Variants in ANK3 observed in about 807,000 individuals in gnomAD.
ANK3 encodes ankyrin 3, also known as ankyrin-3.
In ANK3, 57 loss-of-function variants were observed where a neutral mutation model predicts 370.9. That is an observed-to-expected ratio of 0.15 (90% confidence interval 0.12 to 0.19). The LOEUF is 0.19. ANK3 is among the 10% of genes least tolerant of loss of function. The pLI is 1.00. For synonymous variants in ANK3, 1,929 were observed against 1,946.3 expected (o/e 0.99, Z 0.23); for missense variants, 4,439 against 5,302.1 (o/e 0.84, Z 5.06).
chr10:60,124,804 GTGGACAAGCTATTTAAC>G (rs1432996660), intron 25 of ANK3, among the ~76,000 whole-genome samples: 1 of 152,186 alleles, frequency 6.6e-6, no homozygotes, highest in African/African-American at 2.4e-5. Context: ...CCTAATAGCT[GTGGACAAGCTATTTAAC>G]TGGACAAGCT....
At position 60,166,868 on chromosome 10, in the gene ANK3, A is replaced by G; in HGVS notation, c.2507T>C (p.Val836Ala). 6.2e-7 allele frequency: 1 copy of G among 1,614,024 alleles called. No homozygotes were observed. Among genetic ancestry groups the G allele is most frequent in the South Asian group, 1.1e-5 (1 of 91,074 alleles). ...TTVTEKHKMN[V>A]PETMNEVLDM... ...AAGAACTTCATTCATCGTTTCTGGA[A>G]CATTCATTTTGTGCTTCTCTGTGAC... The change falls in exon 22 of 44, where the codon GTT (valine) becomes GCT (alanine). Residue 836 changes from valine (V) to alanine (A), a missense_variant. Val to Ala is a moderately conservative substitution (Grantham distance 64). Coordinates refer to ENST00000280772, the MANE Select transcript of ANK3 (RefSeq NM_020987.5).
intron 9 of ANK3, 31 bp downstream of exon 9, chr10:60,213,381 T>C: frequency 6.8e-7 from 1 of 1,464,306 alleles, no homozygotes; most frequent in Non-Finnish European, 9.6e-7. Context: ...ATAAATACAG[T>C]CCAATGTCCA....
intron 23 of ANK3, among the ~76,000 whole-genome samples, chr10:60,153,886 G>T (rs1310065320): frequency 6.6e-6 from 1 of 152,162 alleles, no homozygotes; most frequent in Non-Finnish European, 1.5e-5. Context: ...AAAGGAAAAG[G>T]TAGCATTGTC....
In ANK3 at chr10:60,225,289, C is replaced by T. The variant is rs10994262; in HGVS notation, c.897+9399G>A. Among the ~76,000 whole-genome samples, 1,448 of 152,108 alleles carry T rather than the reference C, an allele frequency of 9.5e-3. 25 individuals carry two copies. Among genetic ancestry groups the T allele is most frequent in the African/African-American group, 0.033 (1,366 of 41,496 alleles). ...CATTTTTTTTGTGTTAGGCAGTTAT[C>T]GAGATAGCCTAAGAGGTGAAATAAA... On this transcript the variant is annotated intron_variant, in intron 8 of 43. Coordinates refer to ENST00000280772, the MANE Select transcript of ANK3 (RefSeq NM_020987.5).
At chr10:60,720,219 A>G (rs887805412) in intron 1 of ANK3, among the ~76,000 whole-genome samples, 1 of 152,224 alleles carries the variant, frequency 6.6e-6, no homozygotes, top group East Asian at 1.9e-4. Flanking sequence ...CTCAATTTTA[A>G]CAGTAGATGC....
intron 2 of ANK3, among the ~76,000 whole-genome samples, chr10:60,431,905 C>A (rs558169985): frequency 1.1e-4 from 17 of 152,316 alleles, no homozygotes; most frequent in African/African-American, 3.8e-4. Flanking sequence ...TGACTCATTC[C>A]TTTCCATCTG....
At chr10:60,337,474 C>T (rs2053270636) in intron 1 of ANK3, among the ~76,000 whole-genome samples, 1 of 152,140 alleles carries the variant, frequency 6.6e-6, no homozygotes, top group Non-Finnish European at 1.5e-5. Context: ...CAGACTCCTA[C>T]TTTCAATCAT....
chr10:60,716,355 T>C (rs1417079327), intron 1 of ANK3, among the ~76,000 whole-genome samples: 1 of 152,128 alleles, frequency 6.6e-6, no homozygotes, highest in Non-Finnish European at 1.5e-5. Flanking sequence ...AAGCAAAATG[T>C]GTATTGCCAA....
Position 60,129,207 on chromosome 10 carries a change from C to T in ANK3, c.2841+5064G>A, listed in dbSNP as rs1435904455. On this transcript the variant is annotated intron_variant, in intron 25 of 43. Coordinates refer to ENST00000280772, the MANE Select transcript of ANK3 (RefSeq NM_020987.5). ...GAGAGTTGCCTTAAATCGGCAGTTACTAACTAAAGGTACACCTTAGAATTG... is the reference window on the plus strand; with the variant it reads ...GAGAGTTGCCTTAAATCGGCAGTTATTAACTAAAGGTACACCTTAGAATTG... 7.2e-5 allele frequency among the ~76,000 whole-genome samples: 11 copies of T among 152,188 alleles called. No individual in the cohort carries two copies. The South Asian group carries it at 2.1e-3, about 29-fold the overall frequency.
chr10:60,372,605 C>T (rs1158294356), intron 1 of ANK3, among the ~76,000 whole-genome samples: 1 of 152,142 alleles, frequency 6.6e-6, no homozygotes, highest in Non-Finnish European at 1.5e-5. Flanking sequence ...AGAGATAGGA[C>T]ATTTCCAGTC....
At chr10:60,400,859 C>CT (rs1026061551) in intron 2 of ANK3, among the ~76,000 whole-genome samples, 1 of 152,082 alleles carries the variant, frequency 6.6e-6, no homozygotes, top group African/African-American at 2.4e-5. Flanking sequence ...AATGCTCTCC[C>CT]TCTCCCCACC....
chr10:60,123,261 A>G (rs1007122375), intron 25 of ANK3, among the ~76,000 whole-genome samples: 5 of 152,224 alleles, frequency 3.3e-5, no homozygotes, highest in African/African-American at 1.2e-4. Flanking sequence ...AAGTGATGTC[A>G]AGGATTATTC....
chr10:60,732,991 G>C (rs879234956), intron 1 of ANK3, among the ~76,000 whole-genome samples: 7 of 151,670 alleles, frequency 4.6e-5, no homozygotes, highest in African/African-American at 1.2e-4. Context: ...AAGTCCTCGG[G>C]CCCCCCTCTC....
chr10:60,193,912 C>A lies in ANK3; in HGVS notation c.1887+2233G>T, dbSNP rs114693055. Among the ~76,000 whole-genome samples, 866 of 152,118 alleles carry A rather than the reference C, an allele frequency of 5.7e-3. 10 individuals are homozygous for A. Among genetic ancestry groups the A allele is most frequent in the African/African-American group, 0.02 (843 of 41,502 alleles). The stretch of plus-strand genomic sequence containing the variant: ...AAGGTAGGAGGATCACTTGAGGTTG[C>A]GAGTTTGAGACTAACCTGGCCAACA... On this transcript the variant is annotated intron_variant, in intron 16 of 43. Transcript: ENST00000280772.
chr10:60,103,430 A>G (rs1220069043), intron 28 of ANK3, among the ~76,000 whole-genome samples: 2 of 152,176 alleles, frequency 1.3e-5, no homozygotes, highest in Non-Finnish European at 2.9e-5. Context: ...CTGAACTAGA[A>G]CTTTGAACAG....
At chr10:60,167,313 C>T (rs145580660) in intron 21 of ANK3, among the ~76,000 whole-genome samples, 20 of 152,156 alleles carry the variant, frequency 1.3e-4, no homozygotes, top group African/African-American at 4.6e-4. Context: ...CCAAGCTTTC[C>T]GTCTATTTTG....
intron 23 of ANK3, among the ~76,000 whole-genome samples, chr10:60,163,639 GAA>G (rs1478063026): frequency 2.0e-5 from 3 of 152,150 alleles, no homozygotes; most frequent in Non-Finnish European, 4.4e-5. Flanking sequence ...GAATGAAAAA[GAA>G]GAGAGAGACT....
At chr10:60,606,604 G>C (rs1157501840) in intron 2 of ANK3, among the ~76,000 whole-genome samples, 2 of 152,114 alleles carry the variant, frequency 1.3e-5, no homozygotes, top group Non-Finnish European at 2.9e-5. Context: ...GTAAGCCTTT[G>C]TTTGGCCACA....
In ANK3 at chr10:60,279,644, A is replaced by G; in HGVS notation, c.115-5T>C. 6.2e-7 allele frequency: 1 copy of G among 1,604,412 alleles called. No homozygotes were observed. The highest frequency in any genetic ancestry group is 8.5e-7 in the Non-Finnish European group (1 of 1,176,212). On this transcript the variant is annotated splice_polypyrimidine_tract_variant and splice_region_variant and intron_variant, in intron 1 of 43. Coordinates refer to ENST00000280772, the MANE Select transcript of ANK3 (RefSeq NM_020987.5). The stretch of plus-strand genomic sequence containing the variant: ...GTAACTTGCATTGGCATCAGACTAA[A>G]ATAAAAAAGAAACACATTTTGATGA...
Sources: gnomAD v4.1 joint callset for allele counts (sites outside exome capture counted in the v4.1 genomes callset) on GRCh38, gnomAD v4.1.1 for gene constraint, MANE v1.5 for transcripts, NCBI Gene and HGNC (gene_info 2026-07-23, HGNC 2026-07-21) for gene names.